The following MMP15 variants were observed in gnomAD, a reference collection of about 807,000 sequenced individuals.
The protein encoded by MMP15 is matrix metalloproteinase-15.
Under a neutral mutation model 65.0 loss-of-function variants are expected in MMP15, and 36 were observed. That is an observed-to-expected ratio of 0.55 (90% CI 0.42 to 0.73). MMP15 has a LOEUF of 0.73. Ranked by LOEUF, MMP15 falls within the 30% of genes least tolerant of loss-of-function variation. The pLI is 0.00. For synonymous variants in MMP15, 428 were observed against 410.2 expected (o/e 1.04, Z -0.52); for missense variants, 870 against 987.8 (o/e 0.88, Z 1.60).
rs1279700219 is a variant in MMP15, at chr16:58,041,629, G to T, written c.923G>T (p.Gly308Val). The T allele has an allele frequency of 6.4e-7, 1 of 1,574,680 alleles. No individual in the cohort carries two copies. Residue 308 changes from glycine (G) to valine (V), a missense_variant, in exon 6 of 10, where the codon GGT (glycine) becomes GTT (valine). Transcript: ENST00000219271. ...GIQQLYGTPD[G>V]QPQPTQPLPT... Reference sequence around the variant, plus strand: ...TGCCTCTCTGCAGGTACCCCAGACGGTCAGCCACAGCCTACCCAGCCTCTC... The same window carrying T: ...TGCCTCTCTGCAGGTACCCCAGACGTTCAGCCACAGCCTACCCAGCCTCTC...
intron 1 of MMP15, among the ~76,000 whole-genome samples, chr16:58,032,411 C>G (rs1177161972): frequency 6.6e-6 from 1 of 151,830 alleles, no homozygotes; most frequent in Non-Finnish European, 1.5e-5. Flanking sequence ...TCCTTGCTGT[C>G]CAGAGAGAGA....
chr16:58,027,248 A>T (rs1008627943), intron 1 of MMP15, among the ~76,000 whole-genome samples: 3 of 152,146 alleles, frequency 2.0e-5, no homozygotes, highest in Non-Finnish European at 4.4e-5. Context: ...CTTCGCTAGG[A>T]GCCCGCTTGG....
intron 1 of MMP15, among the ~76,000 whole-genome samples, chr16:58,034,184 C>T (rs1347012625): frequency 6.6e-6 from 1 of 152,232 alleles, no homozygotes; most frequent in African/African-American, 2.4e-5. Flanking sequence ...GAAGAGATTC[C>T]TTGTATTAGG....
rs867374689 is a variant in MMP15 at position 58,040,761 on chromosome 16, A to G, written c.910+63A>G. The G allele has an allele frequency of 1.9e-6, 3 of 1,606,084 alleles. No individual in the cohort carries two copies. The African/African-American group carries it at 4.0e-5, about 21-fold the overall frequency. ...CTCAAGTCCCTGGCCAATGAGGAGT[A>G]GGCATTGCTGCCATCCCCATTTTGT... On this transcript the variant is annotated intron_variant, in intron 5 of 9. Transcript: ENST00000219271.
intron 1 of MMP15, among the ~76,000 whole-genome samples, chr16:58,034,386 C>T (rs1959290778): frequency 6.6e-6 from 1 of 151,702 alleles, no homozygotes; most frequent in Non-Finnish European, 1.5e-5. Flanking sequence ...CTGTCTCTTC[C>T]CTCCTGTGTT....
At position 58,045,179 on chromosome 16, in the gene MMP15, G is replaced by T. The variant is rs748654804; in HGVS notation, c.1743G>T (p.Gly581=). Residue 581 remains glycine, a synonymous_variant, in exon 10 of 10, where the codon GGG becomes GGT. Coordinates refer to ENST00000219271, the MANE Select transcript of MMP15 (RefSeq NM_002428.4). ...CCCGGCCGCCCTTCAACCCCCACGG[G>T]GGTGCAGAGCCCGGGGCGGACAGCG... is the stretch of plus-strand genomic sequence containing the variant. ...DVARPPFNPH[G]GAEPGADSAE... is the part of the protein sequence containing the mutation. The T allele has an allele frequency of 6.3e-7, 1 of 1,593,542 alleles. No homozygotes were observed. Among genetic ancestry groups the T allele is most frequent in the African/African-American group, 1.3e-5 (1 of 74,760 alleles).
At chr16:58,031,897 C>T (rs995618891) in intron 1 of MMP15, among the ~76,000 whole-genome samples, 2 of 115,758 alleles carry the variant, frequency 1.7e-5, no homozygotes, top group African/African-American at 3.5e-5. Context: ...GACAGAGTCT[C>T]GCTCTTGTGG....
At position 58,041,857 on chromosome 16, in the gene MMP15, T is replaced by C. The variant is rs1350530519; in HGVS notation, c.1151T>C (p.Met384Thr). The change falls in exon 6 of 10, where the codon ATG becomes ACG. Residue 384 changes from methionine (M) to threonine (T), a missense_variant. Met to Thr is a moderately conservative substitution (Grantham distance 81). Coordinates refer to ENST00000219271, the MANE Select transcript of MMP15 (RefSeq NM_002428.4). Reference protein sequence around the residue: ...FDTVAMLRGEMFVFKGRWFWR... With the variant: ...FDTVAMLRGETFVFKGRWFWR... ...ACAGTGGCCATGCTTCGCGGGGAGA[T>C]GTTCGTGTTCAAGGTCTGGCCCCGC... 6.3e-7 allele frequency: 1 copy of C among 1,592,800 alleles called. No individual in the cohort carries two copies. Among genetic ancestry groups the C allele is most frequent in the African/African-American group, 1.3e-5 (1 of 74,376 alleles).
intron 2 of MMP15, 140 bp from the exon 3 acceptor site, chr16:58,038,126 T>C: frequency 8.6e-7 from 1 of 1,169,378 alleles, no homozygotes; most frequent in Non-Finnish European, 1.2e-6. Flanking sequence ...TACTGGAAGT[T>C]GAAGCTGAGA....
At chr16:58,035,680 G>A (rs1397345338) in intron 1 of MMP15, among the ~76,000 whole-genome samples, 2 of 152,178 alleles carry the variant, frequency 1.3e-5, no homozygotes, top group Non-Finnish European at 2.9e-5. Context: ...GCCAAGCCAG[G>A]GTCTGCCTAG....
intron 1 of MMP15, among the ~76,000 whole-genome samples, chr16:58,027,005 T>C (rs527318737): frequency 3.3e-5 from 5 of 152,136 alleles, no homozygotes; most frequent in African/African-American, 4.8e-5. Context: ...CCCGTCTGGG[T>C]GATACCGAGC....
At chr16:58,026,591 G>T (rs1963818824) in intron 1 of MMP15, 79 bp downstream of exon 1, 3 of 1,264,588 alleles carry the variant, frequency 2.4e-6, no homozygotes, top group Non-Finnish European at 3.0e-6. Context: ...CTGGGACTTG[G>T]AGGTGGAGGG....
intron 1 of MMP15, among the ~76,000 whole-genome samples, chr16:58,034,545 C>T (rs1959292803): frequency 6.6e-6 from 1 of 152,172 alleles, no homozygotes; most frequent in South Asian, 2.1e-4. Flanking sequence ...TCACCCTGAG[C>T]ACACTTTCAC....
chr16:58,041,034 C>A (rs553229274), intron 5 of MMP15, among the ~76,000 whole-genome samples: 37 of 152,338 alleles, frequency 2.4e-4, no homozygotes. Flanking sequence ...CGCCCCCTTC[C>A]ACCGTCACTC....
rs564141079 is a variant in MMP15, at chr16:58,046,739, G to A, written c.*1293G>A. On this transcript the variant is annotated 3_prime_UTR_variant, in exon 10 of 10. Coordinates refer to ENST00000219271, the MANE Select transcript of MMP15 (RefSeq NM_002428.4). ...GGGGAAGGATTCTGCTGGCCTCTGC[G>A]AGTGGTTTCTTGTGCACTGGCACCA... 15 of 152,830 alleles carry A rather than the reference G, an allele frequency of 9.8e-5. No homozygotes were observed. In the South Asian group the frequency reaches 1.2e-3, roughly 13 times the overall value. 9.5% of individuals were successfully genotyped at this position (152,830 alleles called of 1,614,324 possible).
In MMP15 at chr16:58,046,866, A is replaced by C. The variant is rs898739955; in HGVS notation, c.*1420A>C. The C allele has an allele frequency of 3.9e-5, 6 of 152,632 alleles. No individual in the cohort carries two copies. Among genetic ancestry groups the C allele is most frequent in the African/African-American group, 1.2e-4 (5 of 41,442 alleles). 9.5% of individuals were successfully genotyped at this position (152,632 alleles called of 1,614,324 possible). On this transcript the variant is annotated 3_prime_UTR_variant, in exon 10 of 10. Transcript: ENST00000219271. Reference sequence around the variant, plus strand: ...CCACCCCCATACATTTATTTCTGTAAATAATGTGCACTGAATAAATTGTAC... The same window carrying C: ...CCACCCCCATACATTTATTTCTGTACATAATGTGCACTGAATAAATTGTAC...
Position 58,037,632 on chromosome 16 carries a change from C to G in MMP15, c.311+12C>G, listed in dbSNP as rs769420378. ...GAAGAGACCAAGGAGTGAGTTCCCCCCACCATCCACACCCCACAGGCACCT... is the reference window on the plus strand; with the variant it reads ...GAAGAGACCAAGGAGTGAGTTCCCCGCACCATCCACACCCCACAGGCACCT... On this transcript the variant is annotated intron_variant, in intron 2 of 9. Coordinates refer to ENST00000219271, the MANE Select transcript of MMP15 (RefSeq NM_002428.4). The G allele has an allele frequency of 6.2e-7, 1 of 1,614,046 alleles. No individual in the cohort carries two copies. The highest frequency in any genetic ancestry group is 8.5e-7 in the Non-Finnish European group (1 of 1,179,986).
chr16:58,044,262 A>G (rs145756371), intron 9 of MMP15, among the ~76,000 whole-genome samples: 13 of 152,336 alleles, frequency 8.5e-5, no homozygotes, highest in African/African-American at 3.1e-4. Flanking sequence ...CCTGAATAAC[A>G]TAGTGAGACT....
chr16:58,040,678 G>A lies in MMP15; in HGVS notation c.890G>A (p.Arg297His), dbSNP rs747334877. 73 of 1,614,148 alleles carry A rather than the reference G, an allele frequency of 4.5e-5. No individual in the cohort carries two copies. The South Asian group carries it at 4.7e-4, about 10-fold the overall frequency. Residue 297 changes from arginine to histidine, a missense_variant, in exon 5 of 10, where the codon CGT (arginine) becomes CAT (histidine). Transcript: ENST00000219271. ...TTCAAGCTGCCCGAGGACGATCTCC[G>A]TGGCATCCAGCAGCTCTACGGTGCG... The part of the protein sequence containing the change: ...DNFKLPEDDL[R>H]GIQQLYGTPD...
Sources: gnomAD v4.1 joint callset for allele counts (sites outside exome capture counted in the v4.1 genomes callset) on GRCh38, gnomAD v4.1.1 for gene constraint, MANE v1.5 for transcripts, NCBI Gene and HGNC (gene_info 2026-07-23, HGNC 2026-07-21) for gene names.